Variants in SEMA3A observed in about 807,000 individuals in gnomAD.
The protein encoded by SEMA3A is semaphorin-3A.
A neutral mutation model predicts 97.9 loss-of-function variants in SEMA3A; 29 were observed. The observed-to-expected ratio is 0.30, with a 90% CI of 0.22 to 0.40. SEMA3A has a LOEUF of 0.40. Ranked by LOEUF, SEMA3A falls within the 10% of genes least tolerant of loss-of-function variation. The probability of loss-of-function intolerance (pLI) is 1.00; values close to 1 mark genes in which losing one functional copy is unlikely to be tolerated. For synonymous variants in SEMA3A, 321 were observed against 323.7 expected (o/e 0.99, Z 0.09); for missense variants, 763 against 951.3 (o/e 0.80, Z 2.60).
chr7:84,395,939 G>T (rs1414392147), intron 1 of SEMA3A, among the ~76,000 whole-genome samples: 1 of 152,108 alleles, frequency 6.6e-6, no homozygotes, highest in Non-Finnish European at 1.5e-5. Flanking sequence ...AAATCTAGTG[G>T]AAGTTTTAGG....
intron 2 of SEMA3A, among the ~76,000 whole-genome samples, chr7:84,340,291 C>T (rs1237145145): frequency 6.6e-6 from 1 of 151,910 alleles, no homozygotes; most frequent in Non-Finnish European, 1.5e-5. Flanking sequence ...ATCTCTATTT[C>T]TTGATTGATT....
intron 2 of SEMA3A, among the ~76,000 whole-genome samples, chr7:84,319,918 G>T (rs889843582): frequency 6.6e-6 from 1 of 151,796 alleles, no homozygotes; most frequent in Non-Finnish European, 1.5e-5. Flanking sequence ...TTTATATTAC[G>T]CATTTAAAAA....
rs1013336396 is a variant in SEMA3A at position 84,218,616 on chromosome 7, C to A, written c.-82-23948G>T. Among the ~76,000 whole-genome samples, 9 of 152,172 alleles carry A rather than the reference C, an allele frequency of 5.9e-5. No individual in the cohort carries two copies. In the East Asian group the frequency reaches 1.7e-3, roughly 29 times the overall value. ...ATATTCAATTTGAATTTTTGCTATT[C>A]AGTTGGCCTTCATTAAATAATGGAG... is the stretch of plus-strand genomic sequence containing the variant. On this transcript the variant is annotated intron_variant, in intron 3 of 3. Transcript: ENST00000424555.
chr7:84,347,602 G>A (rs768902043), intron 2 of SEMA3A, among the ~76,000 whole-genome samples: 8 of 151,948 alleles, frequency 5.3e-5, no homozygotes, highest in Non-Finnish European at 1.0e-4. Flanking sequence ...AGTAGAGATG[G>A]GATTTCACCA....
chr7:84,349,341 G>C (rs1396762177), intron 2 of SEMA3A, among the ~76,000 whole-genome samples: 2 of 151,948 alleles, frequency 1.3e-5, no homozygotes, highest in African/African-American at 4.8e-5. Flanking sequence ...TGGAAAACCT[G>C]CAATATCCTC....
intron 1 of SEMA3A, among the ~76,000 whole-genome samples, chr7:84,425,674 T>C (rs1804800427): frequency 6.7e-6 from 1 of 148,622 alleles, no homozygotes; most frequent in Admixed American, 6.8e-5. Flanking sequence ...TAAAACTTTA[T>C]ATAATTGTAA....
chr7:84,322,367 C>A (rs576952465), intron 2 of SEMA3A, among the ~76,000 whole-genome samples: 2 of 152,090 alleles, frequency 1.3e-5, no homozygotes, highest in Non-Finnish European at 2.9e-5. Context: ...CTGTTATCAT[C>A]ATTCATATTT....
chr7:84,272,730 G>T (rs1204613135), intron 3 of SEMA3A, among the ~76,000 whole-genome samples: 1 of 152,044 alleles, frequency 6.6e-6, no homozygotes, highest in Non-Finnish European at 1.5e-5. Context: ...GGCAGGTCAG[G>T]TTACGCCATT....
chr7:83,964,603 C>A (rs1788598532), intron 15 of SEMA3A, among the ~76,000 whole-genome samples: 1 of 152,174 alleles, frequency 6.6e-6, no homozygotes, highest in Non-Finnish European at 1.5e-5. Flanking sequence ...CCACCTTCTA[C>A]CTTCAATTGC....
At chr7:84,439,166 A>G (rs1218462939) in intron 1 of SEMA3A, among the ~76,000 whole-genome samples, 1 of 152,002 alleles carries the variant, frequency 6.6e-6, no homozygotes, top group Non-Finnish European at 1.5e-5. Context: ...AGGACTTACA[A>G]ATAAGAGACT....
At chr7:84,388,517 C>T (rs1803459182) in intron 1 of SEMA3A, among the ~76,000 whole-genome samples, 1 of 151,956 alleles carries the variant, frequency 6.6e-6, no homozygotes. Context: ...TCAATTTTCA[C>T]TCTCTTGACT....
intron 3 of SEMA3A, among the ~76,000 whole-genome samples, chr7:84,283,936 A>G (rs1223226865): frequency 1.3e-5 from 2 of 152,122 alleles, no homozygotes; most frequent in Admixed American, 6.6e-5. Flanking sequence ...TGGATACTGG[A>G]CAATCAATTA....
At chr7:83,980,614 A>ACAAACAAACAAAC (rs1243131696) in intron 14 of SEMA3A, among the ~76,000 whole-genome samples, 12 of 82,838 alleles carry the variant, frequency 1.4e-4, no homozygotes, top group African/African-American at 5.1e-4. Context: ...AAAAAAAAAA[A>ACAAACAAACAAAC]AAAAAAAAAA....
chr7:84,467,743 C>T (rs970082191), intron 1 of SEMA3A, among the ~76,000 whole-genome samples: 7 of 152,012 alleles, frequency 4.6e-5, no homozygotes. Context: ...TTCACACAGA[C>T]CATTTTCTCT....
chr7:84,445,592 T>C (rs774495685), intron 1 of SEMA3A, among the ~76,000 whole-genome samples: 2 of 147,412 alleles, frequency 1.4e-5, no homozygotes, highest in African/African-American at 5.0e-5. Flanking sequence ...CACAAACTTA[T>C]GGAAATTAAA....
intron 1 of SEMA3A, among the ~76,000 whole-genome samples, chr7:84,143,835 T>C (rs1796373682): frequency 6.7e-6 from 1 of 149,688 alleles, no homozygotes; most frequent in Admixed American, 6.7e-5. Context: ...AAAGTAGAGG[T>C]ATAGGTAAAG....
At chr7:84,292,710 C>A (rs1800780086) in intron 3 of SEMA3A, among the ~76,000 whole-genome samples, 2 of 151,940 alleles carry the variant, frequency 1.3e-5, no homozygotes, top group Admixed American at 6.6e-5. Flanking sequence ...ACGTTATGGT[C>A]CACAAAACTT....
intron 2 of SEMA3A, among the ~76,000 whole-genome samples, chr7:84,328,570 T>C (rs1801829288): frequency 6.6e-6 from 1 of 152,184 alleles, no homozygotes; most frequent in South Asian, 2.1e-4. Context: ...TTTGATGAGA[T>C]AGACTCTTAT....
At chr7:84,416,721 G>A (rs1804446448) in intron 1 of SEMA3A, among the ~76,000 whole-genome samples, 1 of 151,992 alleles carries the variant, frequency 6.6e-6, no homozygotes, top group Non-Finnish European at 1.5e-5. Flanking sequence ...ATTTTTAGTT[G>A]GAAACCAGAT....
Sources: gnomAD v4.1 joint callset for allele counts (sites outside exome capture counted in the v4.1 genomes callset) on GRCh38, gnomAD v4.1.1 for gene constraint, MANE v1.5 for transcripts, NCBI Gene and HGNC (gene_info 2026-07-23, HGNC 2026-07-21) for gene names.